The following ADAMTS17 variants were observed in gnomAD, a reference collection of about 807,000 sequenced individuals.
The protein encoded by ADAMTS17 is A disintegrin and metalloproteinase with thrombospondin motifs 17.
Under a neutral mutation model 141.5 loss-of-function variants are expected in ADAMTS17, and 113 were observed. The ratio of observed to expected loss-of-function variants is 0.80; its 90% CI spans 0.69 to 0.93. The LOEUF (loss-of-function observed/expected upper bound fraction) is 0.93. Among genes scored for constraint, ADAMTS17 ranks in the 40% least tolerant of loss-of-function variants. The pLI is 0.00. For missense variants in ADAMTS17, 1,659 were observed against 1,517.9 expected (o/e 1.09, Z -1.54); for synonymous variants, 768 against 630.6 (o/e 1.22, Z -3.27).
intron 18 of ADAMTS17, among the ~76,000 whole-genome samples, chr15:100,011,356 G>A (rs1410010071): frequency 6.8e-3 from 74 of 10,806 alleles, no homozygotes; most frequent in African/African-American, 0.018. Context: ...GAGGAGGGAC[G>A]GGAGGGAGAG....
chr15:100,234,585 T>G (rs1182978826), intron 7 of ADAMTS17, among the ~76,000 whole-genome samples: 1 of 152,198 alleles, frequency 6.6e-6, no homozygotes, highest in Non-Finnish European at 1.5e-5. Context: ...GACTCCTTGG[T>G]CCAACACGTG....
chr15:100,170,982 C>T (rs898755924), intron 8 of ADAMTS17, among the ~76,000 whole-genome samples: 5 of 152,290 alleles, frequency 3.3e-5, no homozygotes, highest in Middle Eastern at 3.4e-3. Context: ...AAATTGAGCC[C>T]ATCCCCCACA....
intron 2 of ADAMTS17, among the ~76,000 whole-genome samples, chr15:100,338,552 G>A (rs2141986601): frequency 6.6e-6 from 1 of 152,302 alleles, no homozygotes; most frequent in African/African-American, 2.4e-5. Context: ...GGGCAGCTTT[G>A]AGCAGCTGCA....
Position 100,140,509 on chromosome 15 carries a change from C to CATATATATATATATA in ADAMTS17, c.1474-7195_1474-7194insTATATATATATATAT. Among the ~76,000 whole-genome samples the CATATATATATATATA allele has an allele frequency of 2.0e-5, 2 of 102,278 alleles. 1 individual carries two copies. The highest frequency in any genetic ancestry group is 4.2e-5 in the Non-Finnish European group (2 of 48,186). The allele number at this position is 102,278 out of a possible 152,430, so 67.1% of individuals were successfully genotyped here. A position where few individuals can be genotyped will look rare whatever the true frequency, so the allele number is the denominator to read the frequency against. On this transcript the variant is annotated intron_variant, in intron 10 of 21. Transcript: ENST00000268070. ...CATACATATATATATATATATATAT[C>CATATATATATATATA]CAGTAAAGACGTGTGGAATGTATGA...
At chr15:100,288,586 A>T (rs1326080761) in intron 3 of ADAMTS17, among the ~76,000 whole-genome samples, 2 of 152,334 alleles carry the variant, frequency 1.3e-5, no homozygotes, top group East Asian at 3.9e-4. Context: ...TGCACATGCC[A>T]CATACTCTAA....
At chr15:100,186,047 G>A (rs540304062) in intron 8 of ADAMTS17, among the ~76,000 whole-genome samples, 63 of 152,276 alleles carry the variant, frequency 4.1e-4, no homozygotes, top group Admixed American at 2.4e-3. Flanking sequence ...TAATCTACTG[G>A]CAGTGGCCGC....
chr15:100,277,597 C>T (rs1317268602), intron 4 of ADAMTS17, among the ~76,000 whole-genome samples: 2 of 152,244 alleles, frequency 1.3e-5, no homozygotes, highest in Non-Finnish European at 1.5e-5. Context: ...CCCCTCCAGC[C>T]CTCCTCTCAG....
At chr15:99,995,175 G>A (rs1299621235) in intron 19 of ADAMTS17, among the ~76,000 whole-genome samples, 3 of 152,218 alleles carry the variant, frequency 2.0e-5, no homozygotes, top group African/African-American at 7.2e-5. Context: ...TTGCTTCTCT[G>A]TGTGGCAAGG....
chr15:100,019,118 G>A (rs1467945121), intron 18 of ADAMTS17, among the ~76,000 whole-genome samples: 3 of 152,190 alleles, frequency 2.0e-5, no homozygotes, highest in South Asian at 2.1e-4. Flanking sequence ...TATAGAAAAC[G>A]AATGCCAAAG....
intron 15 of ADAMTS17, among the ~76,000 whole-genome samples, chr15:100,085,243 A>C (rs1211659881): frequency 6.6e-6 from 1 of 152,208 alleles, no homozygotes; most frequent in Non-Finnish European, 1.5e-5. Context: ...AAAGGGTATC[A>C]GCGATGGAAG....
chr15:100,235,866 C>A (rs1016405475), intron 7 of ADAMTS17, among the ~76,000 whole-genome samples: 3 of 152,152 alleles, frequency 2.0e-5, no homozygotes, highest in African/African-American at 7.2e-5. Context: ...AACATGAGGA[C>A]AAGTAAATTG....
intron 20 of ADAMTS17, among the ~76,000 whole-genome samples, chr15:99,987,569 CCAT>C (rs955924064): frequency 6.6e-6 from 1 of 152,148 alleles, no homozygotes; most frequent in Admixed American, 6.5e-5. Context: ...AACCATGGCA[CCAT>C]CTGCAAGCTG....
At chr15:100,043,978 TG>T (rs565267459) in intron 18 of ADAMTS17, among the ~76,000 whole-genome samples, 9 of 150,618 alleles carry the variant, frequency 6.0e-5, no homozygotes, top group Middle Eastern at 3.4e-3. Flanking sequence ...CACTCATGTT[TG>T]TTTATGTCAC....
intron 10 of ADAMTS17, among the ~76,000 whole-genome samples, chr15:100,141,051 TG>T (rs1488706472): frequency 6.6e-6 from 1 of 152,112 alleles, no homozygotes; most frequent in Non-Finnish European, 1.5e-5. Context: ...TGAGTTGCGG[TG>T]GAAAGTCACA....
intron 8 of ADAMTS17, among the ~76,000 whole-genome samples, chr15:100,186,301 G>C (rs1031979483): frequency 6.6e-6 from 1 of 152,192 alleles, no homozygotes; most frequent in African/African-American, 2.4e-5. Flanking sequence ...CATTGACAAA[G>C]GGCTTGAAGC....
intron 20 of ADAMTS17, among the ~76,000 whole-genome samples, chr15:99,991,601 A>G (rs367999354): frequency 6.6e-6 from 1 of 152,212 alleles, no homozygotes; most frequent in African/African-American, 2.4e-5. Context: ...AACCATTGTG[A>G]AAGACAGTGT....
chr15:100,157,555 T>C (rs79080342), intron 8 of ADAMTS17, among the ~76,000 whole-genome samples: 5,117 of 152,288 alleles, frequency 0.034, 282 homozygotes, highest in African/African-American at 0.12. Flanking sequence ...CAGACCCTCC[T>C]GACTGGAGGC....
At chr15:100,112,989 A>G (rs899584240) in intron 13 of ADAMTS17, among the ~76,000 whole-genome samples, 2 of 152,144 alleles carry the variant, frequency 1.3e-5, no homozygotes, top group African/African-American at 4.8e-5. Flanking sequence ...TGGTGGGGAC[A>G]TTGCTTTGAG....
At position 100,023,866 on chromosome 15, in the gene ADAMTS17, G is replaced by A. The variant is rs565247602; in HGVS notation, c.2591+24991C>T. ...ACTTTAGTTTATCTCTTCTATTGCC[G>A]TATTTTCTGCTTAGTAGAACTTATA... On this transcript the variant is annotated intron_variant, in intron 18 of 21. Coordinates refer to ENST00000268070, the MANE Select transcript of ADAMTS17 (RefSeq NM_139057.4). Among the ~76,000 whole-genome samples the A allele has an allele frequency of 3.9e-5, 6 of 152,250 alleles. No individual in the cohort carries two copies. The South Asian group carries it at 6.2e-4, about 16-fold the overall frequency.
Sources: gnomAD v4.1 joint callset for allele counts (sites outside exome capture counted in the v4.1 genomes callset) on GRCh38, gnomAD v4.1.1 for gene constraint, MANE v1.5 for transcripts, NCBI Gene and HGNC (gene_info 2026-07-23, HGNC 2026-07-21) for gene names.